VRK2: variants seen among roughly 807,000 people sequenced by gnomAD.
VRK2 encodes the protein serine/threonine-protein kinase VRK2.
VRK2 carries 60 observed loss-of-function variants against 57.6 expected under a neutral mutation model. The observed-to-expected ratio is 1.04, with a 90% CI of 0.85 to 1.29. The LOEUF (loss-of-function observed/expected upper bound fraction) is 1.29. VRK2 is among the 50% of genes most tolerant of loss of function. The pLI, the probability that VRK2 is intolerant of heterozygous loss-of-function variation, is 0.00. For missense variants in VRK2, 705 were observed against 588.1 expected (o/e 1.20, Z -2.06); for synonymous variants, 231 against 199.2 (o/e 1.16, Z -1.35).
At chr2:58,095,082 T>A (rs1320721361) in intron 7 of VRK2, among the ~76,000 whole-genome samples, 1 of 152,004 alleles carries the variant, frequency 6.6e-6, no homozygotes, top group African/African-American at 2.4e-5. Flanking sequence ...GATCACGAGG[T>A]CAGGAGATAG....
intron 2 of VRK2, among the ~76,000 whole-genome samples, chr2:58,079,497 T>C (rs1023838001): frequency 6.6e-6 from 1 of 152,072 alleles, no homozygotes; most frequent in Non-Finnish European, 1.5e-5. Flanking sequence ...CTTCTACATA[T>C]CTTAATTTAT....
chr2:57,961,404 G>A (rs1290647780), intron 1 of VRK2, among the ~76,000 whole-genome samples: 1 of 152,130 alleles, frequency 6.6e-6, no homozygotes, highest in East Asian at 1.9e-4. Flanking sequence ...AGAACAGGAT[G>A]ATGAGACAAG....
At position 58,123,122 on chromosome 2, in the gene VRK2, CT is replaced by C; in HGVS notation, c.568del (p.Ser190ProfsTer25). ...CCAGGTTTATCTTGCAGATTATGGA[CT>C]TTCCTACAGATATTGTCCCAATGGG... ...PDQVYLADYGLSYRYCPNGNH... is the reference protein window; with the variant it reads ...PDQVYLADYGXSYRYCPNGNH... On this transcript the variant is annotated frameshift_variant, in exon 8 of 13. Coordinates refer to ENST00000340157, the MANE Select transcript of VRK2 (RefSeq NM_006296.7). LOFTEE classifies it high-confidence loss of function. 1 of 1,600,348 alleles carries C rather than the reference CT, an allele frequency of 6.2e-7. No homozygotes were observed. Among genetic ancestry groups the C allele is most frequent in the Non-Finnish European group, 8.5e-7 (1 of 1,176,014 alleles).
intron 1 of VRK2, among the ~76,000 whole-genome samples, chr2:58,010,106 C>T (rs1673375586): frequency 6.6e-6 from 1 of 152,070 alleles, no homozygotes; most frequent in African/African-American, 2.4e-5. Context: ...CTACCTGGCT[C>T]CTTTACAATG....
At chr2:58,088,777 C>G (rs1393930085) in intron 6 of VRK2, among the ~76,000 whole-genome samples, 2 of 152,126 alleles carry the variant, frequency 1.3e-5, no homozygotes, top group East Asian at 1.9e-4. Flanking sequence ...CAAATTATGG[C>G]AAAATATATT....
chr2:58,052,404 A>C (rs1035949962), intron 2 of VRK2, among the ~76,000 whole-genome samples: 3 of 152,146 alleles, frequency 2.0e-5, no homozygotes, highest in East Asian at 1.9e-4. Flanking sequence ...CCTGAGCTCC[A>C]TCCAGCCTGG....
chr2:58,115,574 T>C (rs904022248), intron 7 of VRK2, among the ~76,000 whole-genome samples: 8 of 152,198 alleles, frequency 5.3e-5, no homozygotes, highest in Non-Finnish European at 1.0e-4. Context: ...CTACACGGTG[T>C]GGTCCTGGCT....
chr2:57,908,226 T>G (rs1669885176), intron 1 of VRK2, among the ~76,000 whole-genome samples: 1 of 152,192 alleles, frequency 6.6e-6, no homozygotes, highest in Non-Finnish European at 1.5e-5. Flanking sequence ...TTCTTCTAGT[T>G]TTCATTAGGA....
chr2:58,136,283 A>T (rs1426357569), intron 10 of VRK2, among the ~76,000 whole-genome samples: 1 of 152,022 alleles, frequency 6.6e-6, no homozygotes, highest in Non-Finnish European at 1.5e-5. Flanking sequence ...CACAGGAGAG[A>T]TCCTCATTGT....
upstream of VRK2, chr2:58,046,430 G>T: frequency 1.1e-6 from 1 of 949,946 alleles, no homozygotes; most frequent in Non-Finnish European, 1.3e-6. Context: ...CGAGAGCTCG[G>T]TAAGGACTAG....
chr2:58,107,531 T>C (rs17049342), intron 7 of VRK2, among the ~76,000 whole-genome samples: 5,627 of 152,294 alleles, frequency 0.037, 357 homozygotes, highest in African/African-American at 0.13. Flanking sequence ...ATTATGAGAC[T>C]TTAATGGACA....
rs140500963 is a variant in VRK2, at chr2:57,912,830, A to C, written c.-439+4991A>C. Among the ~76,000 whole-genome samples, 1,515 of 152,282 alleles carry C rather than the reference A, an allele frequency of 9.9e-3. 12 individuals are homozygous for C. Among genetic ancestry groups the C allele is most frequent in the Middle Eastern group, 0.071 (21 of 294 alleles). ...TAAATATTTGTATCCCGAGATTCAT[A>C]TATTAAAACCCTTACCCCTAATGTG... On this transcript the variant is annotated intron_variant, in intron 1 of 15. Coordinates refer to the VRK2 transcript ENST00000417641.
At chr2:58,071,734 C>A (rs1669386648) in intron 2 of VRK2, among the ~76,000 whole-genome samples, 1 of 151,988 alleles carries the variant, frequency 6.6e-6, no homozygotes, top group Non-Finnish European at 1.5e-5. Flanking sequence ...AGTCCTCTGA[C>A]TTTGTTCTTC....
At chr2:57,949,201 A>T (rs79738104) in intron 1 of VRK2, among the ~76,000 whole-genome samples, 3,275 of 152,314 alleles carry the variant, frequency 0.022, 127 homozygotes, top group African/African-American at 0.076. Flanking sequence ...TTTCTGCAAA[A>T]ATAGAAGGGC....
intron 1 of VRK2, among the ~76,000 whole-genome samples, chr2:57,932,996 T>C (rs539891009): frequency 1.3e-5 from 2 of 152,274 alleles, no homozygotes; most frequent in South Asian, 4.1e-4. Context: ...TTATTCCTGT[T>C]ATTGATTTCT....
intron 1 of VRK2, among the ~76,000 whole-genome samples, chr2:57,935,584 G>A (rs1014156616): frequency 1.3e-5 from 2 of 152,098 alleles, no homozygotes; most frequent in African/African-American, 4.8e-5. Flanking sequence ...TGGGTCCGGA[G>A]GTAAAATTCA....
At chr2:57,986,241 A>G (rs970226502) in intron 1 of VRK2, among the ~76,000 whole-genome samples, 1 of 152,148 alleles carries the variant, frequency 6.6e-6, no homozygotes, top group Admixed American at 6.5e-5. Context: ...GAATACCTAC[A>G]TAAGTAGAAA....
intron 1 of VRK2, among the ~76,000 whole-genome samples, chr2:58,006,281 G>A (rs1673241002): frequency 6.6e-6 from 1 of 152,190 alleles, no homozygotes; most frequent in Non-Finnish European, 1.5e-5. Flanking sequence ...AGCTTTGGCA[G>A]TTAGGAGGGA....
intron 1 of VRK2, among the ~76,000 whole-genome samples, chr2:57,938,189 T>C (rs1461529914): frequency 6.6e-6 from 1 of 152,212 alleles, no homozygotes; most frequent in African/African-American, 2.4e-5. Flanking sequence ...CTTTAAATCA[T>C]TTAAAATTTA....
Sources: gnomAD v4.1 joint callset for allele counts (sites outside exome capture counted in the v4.1 genomes callset) on GRCh38, gnomAD v4.1.1 for gene constraint, MANE v1.5 for transcripts, NCBI Gene and HGNC (gene_info 2026-07-23, HGNC 2026-07-21) for gene names.